Variants in SLAMF6 observed in about 807,000 individuals in gnomAD.
The protein encoded by SLAMF6 is NK-T-B-antigen.
A neutral mutation model predicts 38.3 loss-of-function variants in SLAMF6; 21 were observed. The ratio of observed to expected loss-of-function variants is 0.55; its 90% CI spans 0.39 to 0.79. The LOEUF (loss-of-function observed/expected upper bound fraction) is 0.79. SLAMF6 is among the 30% of genes least tolerant of loss of function. The pLI is 0.00. For missense variants in SLAMF6, 341 were observed against 385.3 expected (o/e 0.89, Z 0.96); for synonymous variants, 152 against 146.3 (o/e 1.04, Z -0.28).
At chr1:160,489,810 C>T (rs922925962) in intron 5 of SLAMF6, among the ~76,000 whole-genome samples, 11 of 152,172 alleles carry the variant, frequency 7.2e-5, no homozygotes, top group African/African-American at 2.7e-4. Context: ...CTGTGTCTAT[C>T]CATTGCCCAG....
intron 1 of SLAMF6, among the ~76,000 whole-genome samples, chr1:160,502,526 C>T (rs1653960548): frequency 6.6e-6 from 1 of 151,886 alleles, no homozygotes; most frequent in Admixed American, 6.5e-5. Flanking sequence ...GTCCAGGGAA[C>T]TCAGTGAATG....
At chr1:160,499,696 G>A (rs560879500) in intron 1 of SLAMF6, among the ~76,000 whole-genome samples, 1 of 152,308 alleles carries the variant, frequency 6.6e-6, no homozygotes, top group African/African-American at 2.4e-5. Context: ...CATGAGCATG[G>A]AAAGTTGTCA....
intron 6 of SLAMF6, among the ~76,000 whole-genome samples, chr1:160,488,568 G>A (rs1056652969): frequency 2.6e-5 from 4 of 152,116 alleles, no homozygotes; most frequent in Non-Finnish European, 4.4e-5. Flanking sequence ...GCTGCTAGAT[G>A]AGAGGGGAGG....
At chr1:160,490,804 C>T (rs999883233) in intron 3 of SLAMF6, 119 bp from the exon 4 acceptor site, 104 of 1,455,876 alleles carry the variant, frequency 7.1e-5, no homozygotes, top group Middle Eastern at 1.8e-4. Flanking sequence ...TGTCTATAGC[C>T]GGAGGCTCTG....
chr1:160,496,089 C>A lies in SLAMF6; in HGVS notation c.354G>T (p.Lys118Asn). The A allele has an allele frequency of 3.1e-6, 5 of 1,613,806 alleles. No homozygotes were observed. The highest frequency in any genetic ancestry group is 4.2e-6 in the Non-Finnish European group (5 of 1,179,820). ...RAQISTKTSA[K>N]LSSYTLRILR... ...ATATCCTCAGAGTGTAACTGGACAG[C>A]TTTGCAGAGGTCTTTGTGGATATCT... is the stretch of plus-strand genomic sequence containing the variant. Residue 118 changes from lysine to asparagine, a missense_variant, in exon 2 of 8, where the codon AAG becomes AAT. Coordinates refer to ENST00000368057, the MANE Select transcript of SLAMF6 (RefSeq NM_001184714.2).
intron 2 of SLAMF6, 126 bp from the exon 3 acceptor site, chr1:160,491,514 T>C (rs1653299934): frequency 7.4e-7 from 1 of 1,348,924 alleles, no homozygotes; most frequent in Non-Finnish European, 9.9e-7. Flanking sequence ...CTGTAGACTC[T>C]GTAAATGACT....
At chr1:160,507,178 TAGA>T (rs796248399) in intron 1 of SLAMF6, among the ~76,000 whole-genome samples, 15 of 152,174 alleles carry the variant, frequency 9.9e-5, no homozygotes, top group African/African-American at 2.6e-4. Flanking sequence ...CAAATACTTT[TAGA>T]AGAAGAAGAT....
intron 1 of SLAMF6, among the ~76,000 whole-genome samples, chr1:160,511,842 G>C (rs1654489180): frequency 6.6e-6 from 1 of 152,136 alleles, no homozygotes; most frequent in Admixed American, 6.5e-5. Context: ...CTAGGTGGTT[G>C]GCATGACCCA....
In SLAMF6 at chr1:160,485,905, G is replaced by A. The variant is rs1652938490; in HGVS notation, c.*802C>T. 6.6e-6 allele frequency: 1 copy of A among 152,640 alleles called. No individual in the cohort carries two copies. Among genetic ancestry groups the A allele is most frequent in the African/African-American group, 2.4e-5 (1 of 41,442 alleles). The allele number at this position is 152,640 out of a possible 1,614,324, so 9.5% of individuals were successfully genotyped here. ...AGACACTGGAGTCAGGGATGACTTA[G>A]ATTCTTGGCTCAAACAATGGAGCTG... On this transcript the variant is annotated 3_prime_UTR_variant, in exon 8 of 8. Transcript: ENST00000368057.
At chr1:160,510,633 A>G (rs1194868499) in intron 1 of SLAMF6, among the ~76,000 whole-genome samples, 1 of 152,202 alleles carries the variant, frequency 6.6e-6, no homozygotes, top group Non-Finnish European at 1.5e-5. Context: ...CTAACATTTT[A>G]CTCAAGGATA....
intron 1 of SLAMF6, among the ~76,000 whole-genome samples, chr1:160,505,565 C>T (rs184637851): frequency 5.3e-5 from 8 of 152,218 alleles, no homozygotes; most frequent in African/African-American, 1.9e-4. Flanking sequence ...CCATCCCTGG[C>T]TAATTTTTAA....
intron 1 of SLAMF6, among the ~76,000 whole-genome samples, chr1:160,501,511 C>T (rs576842843): frequency 4.6e-5 from 7 of 152,212 alleles, no homozygotes; most frequent in Admixed American, 2.6e-4. Context: ...CAATTTCTAG[C>T]TCAATAAATG....
In SLAMF6 at chr1:160,491,174, A is replaced by AT; in HGVS notation, c.596dup (p.Asn199LysfsTer5). ...CAGAGAAGGATAAATTACTGACAGC[A>AT]TTCTCTGCTATGCAGGTGTAGTCCT... On this transcript the variant is annotated frameshift_variant, in exon 3 of 8. Coordinates refer to ENST00000368057, the MANE Select transcript of SLAMF6 (RefSeq NM_001184714.2). LOFTEE classifies it high-confidence loss of function. 2 of 1,614,092 alleles carry AT rather than the reference A, an allele frequency of 1.2e-6. No individual in the cohort carries two copies. The highest frequency in any genetic ancestry group is 1.7e-6 in the Non-Finnish European group (2 of 1,179,984).
intron 1 of SLAMF6, among the ~76,000 whole-genome samples, chr1:160,514,189 G>A (rs1489610423): frequency 6.6e-6 from 1 of 151,994 alleles, no homozygotes; most frequent in Non-Finnish European, 1.5e-5. Flanking sequence ...CAGGCAAATG[G>A]AAACCAGAAA....
intron 1 of SLAMF6, among the ~76,000 whole-genome samples, chr1:160,512,818 A>G (rs1403270515): frequency 1.3e-5 from 2 of 152,190 alleles, no homozygotes. Context: ...AGCAACAACA[A>G]CAGCATCAAC....
chr1:160,499,079 G>T (rs1653745265), intron 1 of SLAMF6, among the ~76,000 whole-genome samples: 1 of 152,128 alleles, frequency 6.6e-6, no homozygotes, highest in African/African-American at 2.4e-5. Context: ...GGTTCCACTT[G>T]TCAATTTTCG....
At chr1:160,505,422 G>A (rs1046733389) in intron 1 of SLAMF6, among the ~76,000 whole-genome samples, 2 of 152,006 alleles carry the variant, frequency 1.3e-5, no homozygotes, top group African/African-American at 4.8e-5. Flanking sequence ...CTTTTTTTGA[G>A]ACAGGGTCTC....
At chr1:160,495,081 G>C (rs1022537754) in intron 2 of SLAMF6, among the ~76,000 whole-genome samples, 1 of 152,160 alleles carries the variant, frequency 6.6e-6, no homozygotes, top group Non-Finnish European at 1.5e-5. Flanking sequence ...CAGATATTCA[G>C]GGGATACTAA....
chr1:160,508,883 G>A (rs1293448754), intron 1 of SLAMF6, among the ~76,000 whole-genome samples: 1 of 152,188 alleles, frequency 6.6e-6, no homozygotes, highest in Non-Finnish European at 1.5e-5. Flanking sequence ...CATTTATGCA[G>A]CCAACAGACA....
Sources: gnomAD v4.1 joint callset for allele counts (sites outside exome capture counted in the v4.1 genomes callset) on GRCh38, gnomAD v4.1.1 for gene constraint, MANE v1.5 for transcripts, NCBI Gene and HGNC (gene_info 2026-07-23, HGNC 2026-07-21) for gene names.